GADL1: variants seen among roughly 807,000 people sequenced by gnomAD.
GADL1 encodes the protein acidic amino acid decarboxylase GADL1.
Under a neutral mutation model 69.5 loss-of-function variants are expected in GADL1, and 71 were observed. That is an observed-to-expected ratio of 1.02 (90% CI 0.84 to 1.25). The LOEUF is 1.25. Ranked by LOEUF, GADL1 falls within the 50% of genes most tolerant of loss-of-function variation. The pLI is 0.00. For synonymous variants in GADL1, 254 were observed against 214.4 expected, an observed-to-expected ratio of 1.18 and a Z score of -1.62; for missense variants, 737 against 631.8, an observed-to-expected ratio of 1.17 and a Z score of -1.79.
At position 30,839,003 on chromosome 3, in the gene GADL1, A is replaced by C; in HGVS notation, c.897T>G (p.His299Gln). Residue 299 changes from histidine (H) to glutamine (Q), a missense_variant, in exon 9 of 15, where the codon CAT becomes CAG. Physicochemically the swap from His to Gln is conservative, Grantham distance 24. Transcript: ENST00000282538. Reference sequence around the variant, plus strand: ...TACACATAAATGAACTTACATCTACATGAAGCCAGAGGCTGTGCCTCTCGC... The same window carrying C: ...TACACATAAATGAACTTACATCTACCTGAAGCCAGAGGCTGTGCCTCTCGC... ...DICERHSLWL[H>Q]VDASWGGSAL... is the part of the protein sequence containing the mutation. 1 of 1,579,586 alleles carries C rather than the reference A, an allele frequency of 6.3e-7. No individual in the cohort carries two copies. Among genetic ancestry groups the C allele is most frequent in the Non-Finnish European group, 8.6e-7 (1 of 1,157,168 alleles).
chr3:30,800,806 G>GACACACACACAC (rs35529398), intron 12 of GADL1, 83 bp downstream of exon 12: 16 of 727,162 alleles, frequency 2.2e-5, no homozygotes, highest in African/African-American at 1.3e-4. Context: ...GACACAGATA[G>GACACACACACAC]ACACACACAC....
Position 30,861,687 on chromosome 3 carries a change from G to GT in GADL1, c.115dup (p.Thr39AsnfsTer12). 1 of 1,549,760 alleles carries GT rather than the reference G, an allele frequency of 6.5e-7. No homozygotes were observed. The highest frequency in any genetic ancestry group is 8.7e-7 in the Non-Finnish European group (1 of 1,145,342). On this transcript the variant is annotated frameshift_variant, in exon 2 of 15. Coordinates refer to ENST00000282538, the MANE Select transcript of GADL1 (RefSeq NM_207359.3). LOFTEE classifies it high-confidence loss of function. ...TTTTTCTCCAGCTTTTGCATCTGTTGTAGGACCATTCAGCACAACCCCATC... is the reference window on the plus strand; with the variant it reads ...TTTTTCTCCAGCTTTTGCATCTGTTGTTAGGACCATTCAGCACAACCCCATC...
intron 11 of GADL1, among the ~76,000 whole-genome samples, chr3:30,821,653 A>G (rs777503895): frequency 6.6e-6 from 1 of 152,096 alleles, no homozygotes; most frequent in Non-Finnish European, 1.5e-5. Flanking sequence ...CAGGTTTAAT[A>G]TAAACCTTAG....
At chr3:30,870,837 C>T (rs1035037734) in intron 1 of GADL1, among the ~76,000 whole-genome samples, 4 of 151,538 alleles carry the variant, frequency 2.6e-5, no homozygotes, top group African/African-American at 7.3e-5. Flanking sequence ...GTTTGAGACC[C>T]GAGCAATGAG....
At chr3:30,729,999 T>G (rs1197946541) in intron 14 of GADL1, among the ~76,000 whole-genome samples, 1 of 152,154 alleles carries the variant, frequency 6.6e-6, no homozygotes, top group Non-Finnish European at 1.5e-5. Flanking sequence ...GAGGTCAAGT[T>G]AGTGAAAAAA....
intron 12 of GADL1, among the ~76,000 whole-genome samples, chr3:30,790,409 C>T (rs1696890824): frequency 6.6e-6 from 1 of 152,120 alleles, no homozygotes; most frequent in South Asian, 2.1e-4. Context: ...ATGAAGTGAG[C>T]ACATGCTGTT....
chr3:30,769,695 CAT>C (rs894164060), intron 14 of GADL1, among the ~76,000 whole-genome samples: 1 of 152,208 alleles, frequency 6.6e-6, no homozygotes, highest in Non-Finnish European at 1.5e-5. Context: ...CACCCACACC[CAT>C]ATGTCTAAAC....
rs768300117 is a variant in GADL1 at position 30,849,989 on chromosome 3, T to C, written c.651+7A>G. On this transcript the variant is annotated splice_region_variant and intron_variant, in intron 6 of 14. Coordinates refer to ENST00000282538, the MANE Select transcript of GADL1 (RefSeq NM_207359.3). ...AATCTATATTCAATACCAAAAATAA[T>C]TTTTACCTCTGCAGATGTGAAAAGG... 2 of 1,503,320 alleles carry C rather than the reference T, an allele frequency of 1.3e-6. No individual in the cohort carries two copies. The highest frequency in any genetic ancestry group is 9.2e-7 in the Non-Finnish European group (1 of 1,082,102). 93.1% of individuals were successfully genotyped at this position (1,503,320 alleles called of 1,614,324 possible).
intron 12 of GADL1, among the ~76,000 whole-genome samples, chr3:30,789,449 T>C (rs898842147): frequency 1.3e-5 from 2 of 152,162 alleles, no homozygotes; most frequent in African/African-American, 4.8e-5. Context: ...CTGAAGAGTC[T>C]TAGAATTTTC....
intron 14 of GADL1, among the ~76,000 whole-genome samples, chr3:30,753,271 A>G (rs534191244): frequency 2.9e-4 from 44 of 152,260 alleles, no homozygotes; most frequent in African/African-American, 9.2e-4. Flanking sequence ...TGATCTATAC[A>G]CAATAGTATG....
At position 30,884,154 on chromosome 3, in the gene GADL1, C is replaced by T. The variant is rs567057230; in HGVS notation, c.37+10424G>A. 3.1e-3 allele frequency among the ~76,000 whole-genome samples: 476 copies of T among 152,038 alleles called. 1 individual carries two copies. The highest frequency in any genetic ancestry group is 0.011 in the African/African-American group (438 of 41,486). On this transcript the variant is annotated intron_variant, in intron 1 of 14. Transcript: ENST00000282538. Reference sequence around the variant, plus strand: ...GTGGGTGTGAGGACAACACTTTCTACGGTCCGTCTCTAACTTGAAAAGCAA... The same window carrying T: ...GTGGGTGTGAGGACAACACTTTCTATGGTCCGTCTCTAACTTGAAAAGCAA...
chr3:30,852,827 C>A (rs1208587500), intron 4 of GADL1, among the ~76,000 whole-genome samples: 1 of 151,958 alleles, frequency 6.6e-6, no homozygotes, highest in East Asian at 1.9e-4. Context: ...GATTTTTGAA[C>A]TTAGATGAAG....
chr3:30,883,059 T>A (rs921570244), intron 1 of GADL1, among the ~76,000 whole-genome samples: 16 of 152,068 alleles, frequency 1.1e-4, no homozygotes, highest in African/African-American at 3.9e-4. Context: ...CACAATATTA[T>A]CCGACGTATT....
At chr3:30,766,916 ATTTTG>A (rs1559493416) in intron 14 of GADL1, among the ~76,000 whole-genome samples, 2 of 152,190 alleles carry the variant, frequency 1.3e-5, no homozygotes, top group African/African-American at 4.8e-5. Context: ...GTGTTAAGGT[ATTTTG>A]TTAAGCAAAC....
At chr3:30,794,201 C>T (rs529614279) in intron 12 of GADL1, among the ~76,000 whole-genome samples, 2 of 152,146 alleles carry the variant, frequency 1.3e-5, no homozygotes, top group Non-Finnish European at 2.9e-5. Flanking sequence ...AAATGATTTC[C>T]ATTTGAGAGA....
At chr3:30,824,249 A>G (rs1697644047) in intron 11 of GADL1, among the ~76,000 whole-genome samples, 1 of 151,670 alleles carries the variant, frequency 6.6e-6, no homozygotes, top group African/African-American at 2.4e-5. Flanking sequence ...AATAGCAGAT[A>G]TTTTAACACA....
At chr3:30,754,607 G>A (rs188043064) in intron 14 of GADL1, among the ~76,000 whole-genome samples, 2 of 145,288 alleles carry the variant, frequency 1.4e-5, no homozygotes, top group African/African-American at 2.7e-5. Context: ...TTGGAAGATA[G>A]TTGACTGTAA....
intron 12 of GADL1, 140 bp downstream of exon 12, chr3:30,800,749 C>T (rs576822399): frequency 2.5e-5 from 17 of 690,354 alleles, no homozygotes; most frequent in Non-Finnish European, 3.9e-5. Context: ...AAAACATGTA[C>T]TTGCAACACA....
intron 14 of GADL1, among the ~76,000 whole-genome samples, chr3:30,765,407 T>C (rs177520): frequency 0.43 from 65,289 of 152,106 alleles, 14,002 homozygotes; most frequent in Admixed American, 0.44. Context: ...GAAGCCACAA[T>C]AAGCATATAA....
Sources: gnomAD v4.1 joint callset for allele counts (sites outside exome capture counted in the v4.1 genomes callset) on GRCh38, gnomAD v4.1.1 for gene constraint, MANE v1.5 for transcripts, NCBI Gene and HGNC (gene_info 2026-07-23, HGNC 2026-07-21) for gene names.